IRF4: variants seen among roughly 807,000 people sequenced by gnomAD.
IRF4 encodes lymphocyte-specific interferon regulatory factor.
Under a neutral mutation model 55.5 loss-of-function variants are expected in IRF4, and 13 were observed. That is an observed-to-expected ratio of 0.23 (90% confidence interval 0.15 to 0.37). IRF4 has a LOEUF of 0.37. Among genes scored for constraint, IRF4 ranks in the 10% least tolerant of loss-of-function variants. IRF4 has a pLI of 1.00. For synonymous variants in IRF4, 249 were observed against 240.7 expected, an observed-to-expected ratio of 1.03 and a Z score of -0.32; for missense variants, 397 against 593.8, an observed-to-expected ratio of 0.67 and a Z score of 3.44.
intron 7 of IRF4, among the ~76,000 whole-genome samples, chr6:404,198 C>T (rs180712077): frequency 5.0e-4 from 76 of 152,302 alleles, no homozygotes; most frequent in Admixed American, 4.9e-3. Context: ...ATTGTAGCTA[C>T]AGGCAGAAGA....
At chr6:397,681 C>T (rs375870587) in intron 5 of IRF4, 1 of 156,520 alleles carries the variant, frequency 6.4e-6, no homozygotes, top group African/African-American at 2.4e-5. Context: ...CGGAAAAATA[C>T]CATGGCAAAC....
Position 411,189 on chromosome 6 carries a change from G to A in IRF4, c.*3591G>A, listed in dbSNP as rs554517727. 1.7e-4 allele frequency: 39 copies of A among 230,828 alleles called. No individual in the cohort carries two copies. The highest frequency in any genetic ancestry group is 1.1e-3 in the South Asian group (6 of 5,484). 14.3% of individuals were successfully genotyped at this position (230,828 alleles called of 1,614,324 possible). A position where few individuals can be genotyped will look rare whatever the true frequency, so the allele number is the denominator to read the frequency against. ...CACTTCCCCCTCTTCAGCATCCCCC[G>A]TACCCCACTTTCTGCTGAAAGAACT... On this transcript the variant is annotated 3_prime_UTR_variant, in exon 9 of 9. Coordinates refer to ENST00000380956, the MANE Select transcript of IRF4 (RefSeq NM_002460.4).
chr6:396,082 C>T (rs539520498), intron 4 of IRF4, 147 bp downstream of exon 4: 9 of 626,892 alleles, frequency 1.4e-5, no homozygotes, highest in South Asian at 3.9e-5. Context: ...GGTCACTGAA[C>T]GAATGTCTCA....
In IRF4 at chr6:395,952, T is replaced by C; in HGVS notation, c.492+17T>C. The C allele has an allele frequency of 6.3e-7, 1 of 1,599,934 alleles. No homozygotes were observed. The highest frequency in any genetic ancestry group is 1.1e-5 in the South Asian group (1 of 89,960). On this transcript the variant is annotated intron_variant, in intron 4 of 8. Transcript: ENST00000380956. Reference sequence around the variant, plus strand: ...CCAGCCCAGGTATGGTGGAGGGCACTGGGCTCCCTGAGGGCGAGGCTGTGT... The same window carrying C: ...CCAGCCCAGGTATGGTGGAGGGCACCGGGCTCCCTGAGGGCGAGGCTGTGT...
chr6:395,955 G>C lies in IRF4; in HGVS notation c.492+20G>C. 6.3e-7 allele frequency: 1 copy of C among 1,589,588 alleles called. No homozygotes were observed. Among genetic ancestry groups the C allele is most frequent in the Non-Finnish European group, 8.6e-7 (1 of 1,159,786 alleles). On this transcript the variant is annotated intron_variant, in intron 4 of 8. Coordinates refer to ENST00000380956, the MANE Select transcript of IRF4 (RefSeq NM_002460.4). ...GCCCAGGTATGGTGGAGGGCACTGGGCTCCCTGAGGGCGAGGCTGTGTGGG... is the reference window on the plus strand; with the variant it reads ...GCCCAGGTATGGTGGAGGGCACTGGCCTCCCTGAGGGCGAGGCTGTGTGGG...
At chr6:397,839 G>A (rs1761305692) in intron 5 of IRF4, among the ~76,000 whole-genome samples, 1 of 152,186 alleles carries the variant, frequency 6.6e-6, no homozygotes, top group Non-Finnish European at 1.5e-5. Context: ...CTGGGTGCAG[G>A]GAGAATCTAG....
intron 6 of IRF4, among the ~76,000 whole-genome samples, chr6:400,479 T>C (rs907752847): frequency 6.6e-6 from 1 of 152,190 alleles, no homozygotes; most frequent in Non-Finnish European, 1.5e-5. Flanking sequence ...AGAGTTCTTT[T>C]CAAACTTAAA....
chr6:409,638 C>A lies in IRF4; in HGVS notation c.*2040C>A. On this transcript the variant is annotated 3_prime_UTR_variant, in exon 9 of 9. Transcript: ENST00000380956. ...TGGGCAGCAGACTGTGTTTCGTGAA[C>A]TGCAGTGATGTATACATCTTATAGA... 4.5e-6 allele frequency: 1 copy of A among 222,170 alleles called. No individual in the cohort carries two copies. The highest frequency in any genetic ancestry group is 5.8e-5 in the Admixed American group (1 of 17,348). The allele number at this position is 222,170 out of a possible 1,614,324, so 13.8% of individuals were successfully genotyped here.
chr6:398,956 T>C (rs377756382), intron 6 of IRF4, 21 bp downstream of exon 6: 5 of 1,554,728 alleles, frequency 3.2e-6, no homozygotes, highest in Admixed American at 3.5e-5. Flanking sequence ...GGTTTGCTCC[T>C]GGAGGCACCG....
intron 3 of IRF4, among the ~76,000 whole-genome samples, chr6:395,498 T>A (rs771827279): frequency 1.7e-4 from 26 of 152,278 alleles, no homozygotes; most frequent in Non-Finnish European, 3.1e-4. Flanking sequence ...TTCTGACCAG[T>A]GTGTCTGGAA....
At chr6:400,105 G>A (rs746550979) in intron 6 of IRF4, among the ~76,000 whole-genome samples, 1 of 152,084 alleles carries the variant, frequency 6.6e-6, no homozygotes, top group Non-Finnish European at 1.5e-5. Flanking sequence ...TGTCTGACTC[G>A]CTTTCAGACA....
intron 1 of IRF4, among the ~76,000 whole-genome samples, chr6:392,850 A>C (rs1275422184): frequency 6.6e-6 from 1 of 152,066 alleles, no homozygotes; most frequent in Non-Finnish European, 1.5e-5. Context: ...GCGTTACAGG[A>C]GAGCAGGCGG....
chr6:397,206 G>A lies in IRF4; in HGVS notation c.591G>A (p.Thr197=), dbSNP rs146491930. 75 of 1,614,146 alleles carry A rather than the reference G, an allele frequency of 4.6e-5. No homozygotes were observed. The highest frequency in any genetic ancestry group is 4.2e-4 in the South Asian group (38 of 91,092). ...HPEIPYQCPM[T]FGPRGHHWQG... ...AAATCCCGTACCAATGTCCCATGAC[G>A]TTTGGACCCCGCGGCCACCACTGGC... Residue 197 remains threonine (T), a synonymous_variant, in exon 5 of 9, where the codon ACG becomes ACA. Coordinates refer to ENST00000380956, the MANE Select transcript of IRF4 (RefSeq NM_002460.4).
chr6:402,422 G>A (rs1381079974), intron 7 of IRF4, among the ~76,000 whole-genome samples: 1 of 152,106 alleles, frequency 6.6e-6, no homozygotes, highest in African/African-American at 2.4e-5. Context: ...GGGCTGTCCA[G>A]GTGGAGGGAG....
intron 2 of IRF4, 98 bp from the exon 3 acceptor site, chr6:394,723 C>T (rs1761209053): frequency 1.7e-6 from 2 of 1,182,478 alleles, no homozygotes; most frequent in Admixed American, 4.1e-5. Context: ...CCACTGTACT[C>T]TAGCCTGGGC....
intron 8 of IRF4, chr6:406,806 A>G (rs752304709): frequency 8.2e-7 from 1 of 1,213,818 alleles, no homozygotes. Context: ...TATAAAATAC[A>G]GTCTCTAATA....
Position 401,785 on chromosome 6 carries a change from AC to A in IRF4, c.1099+10del, listed in dbSNP as rs1457181474. ...CACAGCAGTTCTTGTCAGGTAAGGC[AC>A]CTCGTTATCTGTTAGAATGGAGGTG... On this transcript the variant is annotated intron_variant, in intron 7 of 8. Coordinates refer to ENST00000380956, the MANE Select transcript of IRF4 (RefSeq NM_002460.4). 1.2e-6 allele frequency: 2 copies of A among 1,612,484 alleles called. No individual in the cohort carries two copies. Among genetic ancestry groups the A allele is most frequent in the African/African-American group, 2.7e-5 (2 of 74,868 alleles).
intron 8 of IRF4, chr6:406,753 T>G: frequency 1.7e-6 from 2 of 1,166,702 alleles, no homozygotes; most frequent in South Asian, 1.5e-5. Context: ...ATTATTAATT[T>G]AATTCATTTC....
chr6:406,739 A>G, intron 8 of IRF4: 1 of 1,148,518 alleles, frequency 8.7e-7, no homozygotes, highest in African/African-American at 1.7e-5. Context: ...TTCCACTTTT[A>G]AAAATTATTA....
Sources: gnomAD v4.1 joint callset for allele counts (sites outside exome capture counted in the v4.1 genomes callset) on GRCh38, gnomAD v4.1.1 for gene constraint, MANE v1.5 for transcripts, NCBI Gene and HGNC (gene_info 2026-07-23, HGNC 2026-07-21) for gene names.